The following PRKCB variants were observed in gnomAD, a reference collection of about 807,000 sequenced individuals.
The protein encoded by PRKCB is protein kinase C beta.
PRKCB carries 13 observed loss-of-function variants against 81.5 expected under a neutral mutation model. The observed-to-expected ratio is 0.16, with a 90% CI of 0.10 to 0.25. The LOEUF (loss-of-function observed/expected upper bound fraction) is 0.25, where lower values mean the gene tolerates loss of function less well. Among genes scored for constraint, PRKCB ranks in the 10% least tolerant of loss-of-function variants. The pLI, the probability that PRKCB is intolerant of heterozygous loss-of-function variation, is 1.00. For synonymous variants in PRKCB, 335 were observed against 321.4 expected (o/e 1.04, Z -0.45); for missense variants, 509 against 875.7 (o/e 0.58, Z 5.29).
intron 5 of PRKCB, among the ~76,000 whole-genome samples, chr16:24,090,016 A>C (rs910556784): frequency 2.0e-5 from 3 of 152,204 alleles, no homozygotes; most frequent in Admixed American, 2.0e-4. Context: ...GCTTGGTAAG[A>C]TGCGGACCCT....
At chr16:24,080,034 A>G (rs1966229436) in intron 5 of PRKCB, among the ~76,000 whole-genome samples, 1 of 152,162 alleles carries the variant, frequency 6.6e-6, no homozygotes, top group Admixed American at 6.5e-5. Flanking sequence ...TTATTAATAG[A>G]TTTTCTAAAA....
At chr16:24,036,924 G>T (rs143518489) in intron 5 of PRKCB, among the ~76,000 whole-genome samples, 2 of 152,124 alleles carry the variant, frequency 1.3e-5, no homozygotes, top group African/African-American at 4.8e-5. Context: ...TTTATGGGCC[G>T]CATGGGATGT....
At chr16:24,214,052 G>A (rs988493859) in intron 16 of PRKCB, among the ~76,000 whole-genome samples, 7 of 152,176 alleles carry the variant, frequency 4.6e-5, no homozygotes, top group Admixed American at 3.3e-4. Flanking sequence ...CAGGGGCCTC[G>A]TGGTTGCCCA....
chr16:23,990,017 C>T (rs951897575), intron 3 of PRKCB, among the ~76,000 whole-genome samples: 12 of 152,006 alleles, frequency 7.9e-5, no homozygotes, highest in Admixed American at 2.0e-4. Context: ...TTGTGGCAGC[C>T]CTTTTGGGTC....
At chr16:24,212,461 C>CTTTTTTTTTTTTTTTTTTTTTT (rs975667798) in intron 16 of PRKCB, among the ~76,000 whole-genome samples, 4 of 78,042 alleles carry the variant, frequency 5.1e-5, no homozygotes, top group East Asian at 4.5e-4. Context: ...CTTTTTTTTC[C>CTTTTTTTTTTTTTTTTTTTTTT]TTTTTTTTTT....
chr16:23,969,385 T>C (rs1964528195), intron 2 of PRKCB, among the ~76,000 whole-genome samples: 1 of 152,216 alleles, frequency 6.6e-6, no homozygotes, highest in Admixed American at 6.5e-5. Flanking sequence ...ATGCACTATT[T>C]TGTGTCTGCC....
At chr16:24,163,577 G>T (rs1967297866) in intron 10 of PRKCB, among the ~76,000 whole-genome samples, 1 of 152,244 alleles carries the variant, frequency 6.6e-6, no homozygotes, top group Non-Finnish European at 1.5e-5. Flanking sequence ...TGGCCTCTAT[G>T]TGGAGGGACA....
intron 10 of PRKCB, among the ~76,000 whole-genome samples, chr16:24,162,378 C>T (rs1967270577): frequency 6.6e-6 from 1 of 150,466 alleles, no homozygotes; most frequent in Non-Finnish European, 1.5e-5. Context: ...TTGTAAGAAA[C>T]AGAACACCCC....
chr16:24,014,216 C>CA (rs1761756531), intron 3 of PRKCB, among the ~76,000 whole-genome samples: 1 of 151,762 alleles, frequency 6.6e-6, no homozygotes, highest in African/African-American at 2.4e-5. Flanking sequence ...CCCCACTTAG[C>CA]AAAAAGGGGT....
chr16:24,191,293 C>A (rs1328630658), intron 16 of PRKCB, 63 bp downstream of exon 16: 2 of 1,591,870 alleles, frequency 1.3e-6, no homozygotes, highest in South Asian at 2.2e-5. Flanking sequence ...GCCTGTGCCT[C>A]ATGTTTTCCA....
chr16:23,880,605 A>G (rs1259882242), intron 2 of PRKCB, among the ~76,000 whole-genome samples: 1 of 152,038 alleles, frequency 6.6e-6, no homozygotes, highest in Admixed American at 6.6e-5. Flanking sequence ...TTTCTGTGCT[A>G]TAATTTTACT....
chr16:24,026,416 A>C (rs929458590), intron 3 of PRKCB, among the ~76,000 whole-genome samples: 1 of 152,358 alleles, frequency 6.6e-6, no homozygotes. Context: ...AAAGGTCTGG[A>C]TCATTTTTGG....
chr16:23,849,683 T>C (rs1054121536), intron 2 of PRKCB, among the ~76,000 whole-genome samples: 8 of 99,428 alleles, frequency 8.0e-5, no homozygotes, highest in Non-Finnish European at 1.8e-4. Flanking sequence ...TTTTGGTGGC[T>C]AGCTTTTTTT....
chr16:23,863,383 A>G (rs1962717402), intron 2 of PRKCB, among the ~76,000 whole-genome samples: 2 of 151,274 alleles, frequency 1.3e-5, no homozygotes, highest in Admixed American at 1.3e-4. Context: ...TTACTTTCTT[A>G]ATAAACTTGC....
chr16:24,180,973 C>G, intron 13 of PRKCB, 45 bp downstream of exon 13: 2 of 1,602,718 alleles, frequency 1.2e-6, no homozygotes, highest in Non-Finnish European at 1.7e-6. Context: ...GATGTACCCT[C>G]TGCTCCCCAG....
intron 7 of PRKCB, among the ~76,000 whole-genome samples, chr16:24,107,485 G>A (rs1966593229): frequency 6.6e-6 from 1 of 152,178 alleles, no homozygotes; most frequent in South Asian, 2.1e-4. Context: ...TCCTGTTCCT[G>A]ACATTTGGGC....
At chr16:23,862,257 T>C (rs1485192443) in intron 2 of PRKCB, among the ~76,000 whole-genome samples, 1 of 152,234 alleles carries the variant, frequency 6.6e-6, no homozygotes, top group East Asian at 1.9e-4. Flanking sequence ...TTCTGTTTTT[T>C]ATTTTATCCT....
chr16:24,147,759 C>T (rs527747941), intron 9 of PRKCB, among the ~76,000 whole-genome samples: 44 of 152,206 alleles, frequency 2.9e-4, no homozygotes, highest in Non-Finnish European at 4.9e-4. Flanking sequence ...GGAATACGGA[C>T]GAGTCACCTA....
At chr16:24,178,954 A>T (rs548177232) in intron 12 of PRKCB, among the ~76,000 whole-genome samples, 5 of 152,354 alleles carry the variant, frequency 3.3e-5, no homozygotes, top group Non-Finnish European at 7.3e-5. Flanking sequence ...ATAAATGCAG[A>T]GGCTCAAGTG....
Sources: allele counts gnomAD v4.1 joint callset (sites outside exome capture counted in the v4.1 genomes callset), GRCh38; gene constraint gnomAD v4.1.1; transcripts MANE v1.5; gene names NCBI Gene and HGNC (gene_info 2026-07-23, HGNC 2026-07-21).